ARHGAP10: variants seen among roughly 807,000 people sequenced by gnomAD.
ARHGAP10 encodes the protein Rho GTPase activating protein 10, also known as rho GTPase-activating protein 10.
A neutral mutation model predicts 108.6 loss-of-function variants in ARHGAP10; 87 were observed. The observed-to-expected ratio is 0.80, with a 90% CI of 0.67 to 0.96. ARHGAP10 has a LOEUF of 0.96. ARHGAP10 is among the 40% of genes least tolerant of loss of function. The pLI, the probability that ARHGAP10 is intolerant of heterozygous loss-of-function variation, is 0.00. For synonymous variants in ARHGAP10, 347 were observed against 341.1 expected (o/e 1.02, Z -0.19); for missense variants, 939 against 954.5 (o/e 0.98, Z 0.21).
Position 148,047,050 on chromosome 4 carries a change from A to G in ARHGAP10, c.2026A>G (p.Ile676Val), listed in dbSNP as rs74523651. The change falls in exon 20 of 23, where the codon ATC becomes GTC. Residue 676 changes from isoleucine to valine, a missense_variant and splice_region_variant. By Grantham distance (29) the Ile-to-Val change is conservative. Transcript: ENST00000336498. Reference protein sequence around the residue: ...GGSFGDWASTIPGQTRSSMVQ... With the variant: ...GGSFGDWASTVPGQTRSSMVQ... Reference sequence around the variant, plus strand: ...GAGCTTTGGAGACTGGGCATCCACTATGTAAGTAACCGTGCTTCTGTTGGG... The same window carrying G: ...GAGCTTTGGAGACTGGGCATCCACTGTGTAAGTAACCGTGCTTCTGTTGGG... 6.2e-4 allele frequency: 997 copies of G among 1,613,958 alleles called. 4 individuals carry two copies. The highest frequency in any genetic ancestry group is 4.0e-3 in the African/African-American group (300 of 75,002).
Position 147,996,107 on chromosome 4 carries a change from G to A in ARHGAP10, c.1717-27156G>A, listed in dbSNP as rs530282064. Among the ~76,000 whole-genome samples the A allele has an allele frequency of 4.0e-3, 610 of 152,310 alleles. 3 individuals are homozygous for A. The highest frequency in any genetic ancestry group is 0.014 in the African/African-American group (582 of 41,562). On this transcript the variant is annotated intron_variant, in intron 18 of 22. Coordinates refer to ENST00000336498, the MANE Select transcript of ARHGAP10 (RefSeq NM_024605.4). ...AAGCTCTTCTTTAGAAGTAGGTGCA[G>A]GAGATGGTTTGGGCAGCTTTGGGTA...
At chr4:148,039,784 G>A (rs1329346580) in intron 19 of ARHGAP10, among the ~76,000 whole-genome samples, 2 of 151,806 alleles carry the variant, frequency 1.3e-5, no homozygotes, top group Non-Finnish European at 2.9e-5. Context: ...TCCTCTGTTT[G>A]GCACTCTCAG....
At chr4:147,915,305 A>G (rs1033905872) in intron 13 of ARHGAP10, among the ~76,000 whole-genome samples, 4 of 152,202 alleles carry the variant, frequency 2.6e-5, no homozygotes, top group African/African-American at 4.8e-5. Context: ...TGAGCTGGCA[A>G]TTTGTTTCTT....
chr4:147,778,877 T>C (rs17475681), intron 1 of ARHGAP10, among the ~76,000 whole-genome samples: 8,713 of 152,074 alleles, frequency 0.057, 263 homozygotes, highest in Non-Finnish European at 0.07. Context: ...GTAAAGAGTT[T>C]ATGGTGGAAG....
At chr4:147,775,139 T>TCCTGAC (rs1730233398) in intron 1 of ARHGAP10, among the ~76,000 whole-genome samples, 1 of 152,258 alleles carries the variant, frequency 6.6e-6, no homozygotes, top group South Asian at 2.1e-4. Flanking sequence ...GGTCTTGAAC[T>TCCTGAC]CCTGACCTCG....
intron 1 of ARHGAP10, among the ~76,000 whole-genome samples, chr4:147,786,394 C>T (rs899442476): frequency 1.6e-4 from 25 of 152,148 alleles, no homozygotes; most frequent in African/African-American, 5.3e-4. Context: ...GAGCCTGCTG[C>T]GGCATCCTGA....
intron 7 of ARHGAP10, among the ~76,000 whole-genome samples, chr4:147,868,918 G>A (rs1375115765): frequency 6.6e-6 from 1 of 152,026 alleles, no homozygotes; most frequent in South Asian, 2.1e-4. Context: ...GGTACCTGTC[G>A]GCAGCCTGGG....
chr4:147,769,695 A>C (rs985412981), intron 1 of ARHGAP10, among the ~76,000 whole-genome samples: 1 of 152,138 alleles, frequency 6.6e-6, no homozygotes, highest in Non-Finnish European at 1.5e-5. Context: ...ATTGTTTTGA[A>C]AGTTGGGCAT....
intron 16 of ARHGAP10, among the ~76,000 whole-genome samples, chr4:147,956,432 G>A (rs574666124): frequency 6.6e-6 from 1 of 152,182 alleles, no homozygotes; most frequent in South Asian, 2.1e-4. Flanking sequence ...AGAGGCTTTT[G>A]GAAAAGCAAA....
At chr4:148,017,549 A>G (rs796089527) in intron 18 of ARHGAP10, among the ~76,000 whole-genome samples, 119 of 151,356 alleles carry the variant, frequency 7.9e-4, no homozygotes, top group African/African-American at 2.8e-3. Flanking sequence ...GAAGATACCT[A>G]CTTTGGGGAG....
chr4:148,025,741 T>G (rs1356374450), intron 19 of ARHGAP10, among the ~76,000 whole-genome samples: 3 of 152,166 alleles, frequency 2.0e-5, no homozygotes, highest in East Asian at 1.9e-4. Context: ...ACGACTTAAT[T>G]TTTTTTAAAG....
intron 1 of ARHGAP10, among the ~76,000 whole-genome samples, chr4:147,797,903 C>A (rs1424440360): frequency 6.6e-6 from 1 of 152,116 alleles, no homozygotes; most frequent in Admixed American, 6.5e-5. Flanking sequence ...CTCATCCCAC[C>A]CCAACCCATC....
intron 9 of ARHGAP10, 83 bp from the exon 10 acceptor site, chr4:147,881,754 TC>T: frequency 8.4e-7 from 1 of 1,188,650 alleles, no homozygotes; most frequent in East Asian, 2.4e-5. Context: ...TGAACCTTGC[TC>T]CCCTGCTCTC....
chr4:147,788,829 T>C (rs928567803), intron 1 of ARHGAP10, among the ~76,000 whole-genome samples: 3 of 152,228 alleles, frequency 2.0e-5, no homozygotes, highest in African/African-American at 7.2e-5. Flanking sequence ...TTTCACATGC[T>C]TGAGAAAACA....
chr4:147,762,379 G>A (rs1729622423), intron 1 of ARHGAP10, among the ~76,000 whole-genome samples: 1 of 152,004 alleles, frequency 6.6e-6, no homozygotes, highest in Admixed American at 6.6e-5. Flanking sequence ...ATACTCTTTA[G>A]CATTGGTAGA....
At chr4:148,063,322 G>A (rs753018626) in intron 21 of ARHGAP10, 22 bp downstream of exon 21, 1 of 1,613,814 alleles carries the variant, frequency 6.2e-7, no homozygotes, top group Non-Finnish European at 8.5e-7. Context: ...GGAGTGGAAT[G>A]TGGAATATGG....
chr4:147,980,727 T>G (rs1257567001), intron 18 of ARHGAP10, among the ~76,000 whole-genome samples: 2 of 152,158 alleles, frequency 1.3e-5, no homozygotes, highest in Non-Finnish European at 2.9e-5. Context: ...CCATTATCGG[T>G]CTGTTCAGGA....
At chr4:147,777,213 A>G (rs1209153387) in intron 1 of ARHGAP10, among the ~76,000 whole-genome samples, 3 of 151,270 alleles carry the variant, frequency 2.0e-5, no homozygotes, top group Non-Finnish European at 4.4e-5. Context: ...TGCTAATTGA[A>G]CTAGAGTCTG....
chr4:147,739,028 C>CA (rs1212230425), intron 1 of ARHGAP10, among the ~76,000 whole-genome samples: 4 of 147,206 alleles, frequency 2.7e-5, no homozygotes, highest in East Asian at 2.0e-4. Context: ...ACTAAAAATA[C>CA]AAAAAAAAAT....
Sources: gnomAD v4.1 joint callset for allele counts (sites outside exome capture counted in the v4.1 genomes callset) on GRCh38, gnomAD v4.1.1 for gene constraint, MANE v1.5 for transcripts, NCBI Gene and HGNC (gene_info 2026-07-23, HGNC 2026-07-21) for gene names.